The following HACE1 variants were observed in gnomAD, a reference collection of about 807,000 sequenced individuals.
HACE1 encodes the protein E3 ubiquitin-protein ligase HACE1.
In HACE1, 73 loss-of-function variants were observed where a neutral mutation model predicts 118.4. The ratio of observed to expected loss-of-function variants is 0.62; its 90% CI spans 0.51 to 0.75. HACE1 has a LOEUF of 0.75. Among genes scored for constraint, HACE1 ranks in the 30% least tolerant of loss-of-function variants. The pLI, the probability that HACE1 is intolerant of heterozygous loss-of-function variation, is 0.00. For missense variants in HACE1, 749 were observed against 1,102.2 expected (o/e 0.68, Z 4.54); for synonymous variants, 368 against 374.8 (o/e 0.98, Z 0.21).
intron 7 of HACE1, among the ~76,000 whole-genome samples, chr6:104,800,801 C>G (rs750187073): frequency 6.6e-6 from 1 of 152,158 alleles, no homozygotes; most frequent in Non-Finnish European, 1.5e-5. Context: ...AACCAGAGCA[C>G]CTCTTCTCCT....
intron 5 of HACE1, among the ~76,000 whole-genome samples, chr6:104,834,603 G>C (rs1465784860): frequency 5.9e-5 from 9 of 152,106 alleles, no homozygotes; most frequent in African/African-American, 2.2e-4. Flanking sequence ...TGAGAGTAAA[G>C]AGTATTTCCT....
At chr6:104,730,603 G>A (rs1372131241) in intron 22 of HACE1, 187 bp from the exon 23 acceptor site, 1 of 582,740 alleles carries the variant, frequency 1.7e-6, no homozygotes, top group Non-Finnish European at 3.1e-6. Context: ...AAGCTTCCAT[G>A]GAGACACCCC....
At chr6:104,792,681 C>G (rs776378559) in intron 10 of HACE1, among the ~76,000 whole-genome samples, 2 of 152,134 alleles carry the variant, frequency 1.3e-5, no homozygotes, top group Non-Finnish European at 2.9e-5. Context: ...AGTAAACAGC[C>G]AACTGTTCTC....
At chr6:104,749,499 G>A (rs897422733) in intron 20 of HACE1, among the ~76,000 whole-genome samples, 7 of 151,924 alleles carry the variant, frequency 4.6e-5, no homozygotes, top group African/African-American at 1.2e-4. Flanking sequence ...GTATATATCC[G>A]TATCTGTATC....
At chr6:104,769,055 G>A (rs1191408541) in intron 19 of HACE1, among the ~76,000 whole-genome samples, 4 of 151,888 alleles carry the variant, frequency 2.6e-5, no homozygotes, top group African/African-American at 9.7e-5. Context: ...TTTTTTAAGT[G>A]ATAGGATCTT....
At chr6:104,733,122 T>C (rs984065150) in intron 22 of HACE1, among the ~76,000 whole-genome samples, 2 of 152,234 alleles carry the variant, frequency 1.3e-5, no homozygotes, top group Non-Finnish European at 2.9e-5. Flanking sequence ...GTTCTGAATT[T>C]CCTATGATGT....
In HACE1 at chr6:104,813,048, C is replaced by G. The variant is rs56165461; in HGVS notation, c.535-1655G>C. Among the ~76,000 whole-genome samples the G allele has an allele frequency of 2.9e-5, 3 of 104,992 alleles. 1 individual carries two copies. Among genetic ancestry groups the G allele is most frequent in the Non-Finnish European group, 6.0e-5 (3 of 50,310 alleles). 68.9% of individuals were successfully genotyped at this position (104,992 alleles called of 152,430 possible). A position where few individuals can be genotyped will look rare whatever the true frequency, so the allele number is the denominator to read the frequency against. On this transcript the variant is annotated intron_variant, in intron 6 of 23. Transcript: ENST00000262903. ...GTGAAAACAACAAATTAAGTGAAAA[C>G]CTCCAGCCTCCATGTTCCAACTAGG...
At position 104,743,167 on chromosome 6, in the gene HACE1, TG is replaced by T. The variant is rs1384213590; in HGVS notation, c.2513+992del. ...TCACACTCTGGGGACTGTTGTGGGG[TG>T]GGGGGAGGGGGGAGGGATAGCATTG... On this transcript the variant is annotated intron_variant, in intron 22 of 23. Transcript: ENST00000262903. Among the ~76,000 whole-genome samples the T allele has an allele frequency of 5.5e-4, 36 of 65,370 alleles. No individual in the cohort carries two copies. The East Asian group carries it at 0.01, about 18-fold the overall frequency. The allele number at this position is 65,370 out of a possible 152,430, so 42.9% of individuals were successfully genotyped here.
intron 10 of HACE1, among the ~76,000 whole-genome samples, chr6:104,794,138 C>T (rs1012204865): frequency 1.2e-4 from 18 of 152,026 alleles, no homozygotes; most frequent in African/African-American, 4.3e-4. Flanking sequence ...AATTTTTTTA[C>T]ATGTAAAATG....
Position 104,777,121 on chromosome 6 carries a change from A to G in HACE1, c.1679-11T>C. On this transcript the variant is annotated splice_polypyrimidine_tract_variant and intron_variant, in intron 15 of 23. Coordinates refer to ENST00000262903, the MANE Select transcript of HACE1 (RefSeq NM_020771.4). The stretch of plus-strand genomic sequence containing the variant: ...TCCTAAAAATAGAATCTAAATATGT[A>G]GCATTGGTTAATTTTACATATTAAA... The G allele has an allele frequency of 2.5e-6, 4 of 1,580,106 alleles. No homozygotes were observed. The highest frequency in any genetic ancestry group is 3.5e-6 in the Non-Finnish European group (4 of 1,149,246).
intron 19 of HACE1, among the ~76,000 whole-genome samples, chr6:104,767,085 C>A (rs1780101700): frequency 6.6e-6 from 1 of 152,046 alleles, no homozygotes; most frequent in South Asian, 2.1e-4. Context: ...TGTTTCCACA[C>A]TAAATAAAGA....
intron 17 of HACE1, among the ~76,000 whole-genome samples, 177 bp downstream of exon 17, chr6:104,776,549 CACTTATGATTCTACT>C (rs1418203390): frequency 1.3e-5 from 2 of 152,144 alleles, no homozygotes; most frequent in Non-Finnish European, 2.9e-5. Context: ...AGTCAGGTTC[CACTTATGATTCTACT>C]ACTTATTAAC....
Position 104,796,771 on chromosome 6 carries a change from T to G in HACE1, c.715-15A>C. ...CCATATCCACCCTAAAAACAAGATC[T>G]AAAATTATCCAGGTTTAAAAACAGT... On this transcript the variant is annotated splice_polypyrimidine_tract_variant and intron_variant, in intron 8 of 23. Transcript: ENST00000262903. The G allele has an allele frequency of 7.0e-7, 1 of 1,437,308 alleles. No individual in the cohort carries two copies. The highest frequency in any genetic ancestry group is 1.1e-5 in the South Asian group (1 of 87,252). The allele number at this position is 1,437,308 out of a possible 1,614,324, so 89.0% of individuals were successfully genotyped here.
intron 6 of HACE1, 39 bp downstream of exon 6, chr6:104,833,003 C>G (rs1295749189): frequency 1.3e-6 from 2 of 1,588,204 alleles, no homozygotes; most frequent in Non-Finnish European, 1.7e-6. Context: ...TTTTAAAAAA[C>G]AAACACATGC....
chr6:104,859,677 C>A lies in HACE1; in HGVS notation c.-35G>T. 6.6e-7 allele frequency: 1 copy of A among 1,517,006 alleles called. No homozygotes were observed. The highest frequency in any genetic ancestry group is 8.8e-7 in the Non-Finnish European group (1 of 1,132,812). The allele number at this position is 1,517,006 out of a possible 1,614,324, so 94.0% of individuals were successfully genotyped here. A position where few individuals can be genotyped will look rare whatever the true frequency, so the allele number is the denominator to read the frequency against. On this transcript the variant is annotated 5_prime_UTR_variant, in exon 1 of 24. Coordinates refer to ENST00000262903, the MANE Select transcript of HACE1 (RefSeq NM_020771.4). The stretch of plus-strand genomic sequence containing the variant: ...GCCCTCCGCGATCCTCCGCGATCAG[C>A]CGCCCCACCGGCGGCCTCCGCGCCC...
chr6:104,744,294 A>C lies in HACE1; in HGVS notation c.2443-64T>G, dbSNP rs1017397378. 5.1e-6 allele frequency: 5 copies of C among 987,820 alleles called. No homozygotes were observed. In the African/African-American group the frequency reaches 8.0e-5, roughly 16 times the overall value. The allele number at this position is 987,820 out of a possible 1,614,324, so 61.2% of individuals were successfully genotyped here. ...GCAATTGTAGACTTCTCAATACCAG[A>C]GAAATATGCAATATTCATAAAGCAC... On this transcript the variant is annotated intron_variant, in intron 21 of 23. Coordinates refer to ENST00000262903, the MANE Select transcript of HACE1 (RefSeq NM_020771.4).
At chr6:104,786,205 GTGGCACACACCTA>G (rs1782374086) in intron 11 of HACE1, 1 of 151,790 alleles carries the variant, frequency 6.6e-6, no homozygotes, top group African/African-American at 2.4e-5. Context: ...GCCAGACATG[GTGGCACACACCTA>G]TAATTCCAGC....
At chr6:104,842,942 C>T (rs1317839964) in intron 5 of HACE1, among the ~76,000 whole-genome samples, 8 of 152,074 alleles carry the variant, frequency 5.3e-5, no homozygotes, top group African/African-American at 1.7e-4. Context: ...TGAAACCCCA[C>T]CTCTACTAAA....
intron 22 of HACE1, chr6:104,731,329 A>G (rs574648584): frequency 1.3e-5 from 2 of 152,244 alleles, no homozygotes; most frequent in African/African-American, 4.8e-5. Flanking sequence ...TAAAATTTAA[A>G]ATACTTTCTT....
Sources: gnomAD v4.1 joint callset for allele counts (sites outside exome capture counted in the v4.1 genomes callset) on GRCh38, gnomAD v4.1.1 for gene constraint, MANE v1.5 for transcripts, NCBI Gene and HGNC (gene_info 2026-07-23, HGNC 2026-07-21) for gene names.